SIPA1L2: variants seen among roughly 807,000 people sequenced by gnomAD.
The protein encoded by SIPA1L2 is signal-induced proliferation-associated 1-like protein 2.
A neutral mutation model predicts 163.9 loss-of-function variants in SIPA1L2; 56 were observed. That is an observed-to-expected ratio of 0.34 (90% CI 0.28 to 0.43). The LOEUF (loss-of-function observed/expected upper bound fraction) is 0.43, where lower values mean the gene tolerates loss of function less well. Among genes scored for constraint, SIPA1L2 ranks in the 20% least tolerant of loss-of-function variants. The pLI, the probability that SIPA1L2 is intolerant of heterozygous loss-of-function variation, is 1.00. For synonymous variants in SIPA1L2, 877 were observed against 865.7 expected (o/e 1.01, Z -0.23); for missense variants, 1,974 against 2,193.5 (o/e 0.90, Z 2.00).
chr1:232,603,263 G>A (rs1661702336), intron 1 of SIPA1L2, among the ~76,000 whole-genome samples: 1 of 152,222 alleles, frequency 6.6e-6, no homozygotes. Flanking sequence ...ATCCAAGGAA[G>A]ACGACTAGGG....
chr1:232,493,188 T>C (rs1211191480), intron 4 of SIPA1L2, among the ~76,000 whole-genome samples: 2 of 152,160 alleles, frequency 1.3e-5, no homozygotes, highest in African/African-American at 4.8e-5. Flanking sequence ...TCACCTTCCG[T>C]CATGATTGTA....
chr1:232,609,081 T>A (rs1426746672), intron 1 of SIPA1L2, among the ~76,000 whole-genome samples: 1 of 152,206 alleles, frequency 6.6e-6, no homozygotes, highest in Non-Finnish European at 1.5e-5. Context: ...TTTGGGATAA[T>A]CACCCACATC....
intron 2 of SIPA1L2, among the ~76,000 whole-genome samples, chr1:232,535,593 C>T (rs1487862700): frequency 6.6e-6 from 1 of 152,112 alleles, no homozygotes; most frequent in Admixed American, 6.5e-5. Flanking sequence ...GAATAATCTG[C>T]CAAGTCATTA....
rs1448528774 is a variant in SIPA1L2 at position 232,574,215 on chromosome 1, G to A, written c.-311C>T. Among the ~76,000 whole-genome samples the A allele has an allele frequency of 1.3e-5, 2 of 152,162 alleles. No individual in the cohort carries two copies. The highest frequency in any genetic ancestry group is 2.9e-5 in the Non-Finnish European group (2 of 68,018). On this transcript the variant is annotated 5_prime_UTR_variant, in exon 2 of 23. Coordinates refer to ENST00000674635, the MANE Select transcript of SIPA1L2 (RefSeq NM_020808.5). ...AGCGGGCTCCTGCTCACACAGCCTG[G>A]CAAGAACCTACAAATGAAGAAAGAG...
At chr1:232,458,172 A>AAC (rs1355711138) in intron 10 of SIPA1L2, among the ~76,000 whole-genome samples, 1 of 152,120 alleles carries the variant, frequency 6.6e-6, no homozygotes, top group South Asian at 2.1e-4. Flanking sequence ...GGGAAAAAAA[A>AAC]CCCTGTATGT....
rs774723437 is a variant in SIPA1L2, at chr1:232,441,800, C to T, written c.3506G>A (p.Arg1169Lys). 6.2e-7 allele frequency: 1 copy of T among 1,613,952 alleles called. No individual in the cohort carries two copies. The highest frequency in any genetic ancestry group is 1.1e-5 in the South Asian group (1 of 90,980). Residue 1169 changes from arginine (R) to lysine (K), a missense_variant, in exon 13 of 23, where the codon AGG becomes AAG. Physicochemically the swap from Arg to Lys is conservative, Grantham distance 26. Coordinates refer to ENST00000674635, the MANE Select transcript of SIPA1L2 (RefSeq NM_020808.5). Reference protein sequence around the residue: ...GPLECDGAREREDTMEASRHP... With the variant: ...GPLECDGAREKEDTMEASRHP... ...CCTGCTTGCTTCCATGGTGTCTTCCCTCTCCCTGGCTCCGTCACATTCCAA... is the reference window on the plus strand; with the variant it reads ...CCTGCTTGCTTCCATGGTGTCTTCCTTCTCCCTGGCTCCGTCACATTCCAA...
At chr1:232,624,150 G>A (rs1662957572) in intron 1 of SIPA1L2, among the ~76,000 whole-genome samples, 1 of 151,972 alleles carries the variant, frequency 6.6e-6, no homozygotes, top group African/African-American at 2.4e-5. Flanking sequence ...ATACATACAT[G>A]AACACTTAGA....
intron 2 of SIPA1L2, among the ~76,000 whole-genome samples, chr1:232,546,544 C>G (rs759089851): frequency 2.4e-4 from 37 of 152,168 alleles, no homozygotes; most frequent in Admixed American, 1.4e-3. Context: ...TGAGGAGATG[C>G]TTAGGGTGAT....
chr1:232,584,378 C>A (rs929086283), intron 1 of SIPA1L2, among the ~76,000 whole-genome samples: 3 of 152,216 alleles, frequency 2.0e-5, no homozygotes, highest in African/African-American at 7.2e-5. Context: ...GTGCATGCCA[C>A]CACGCCCAGC....
intron 5 of SIPA1L2, among the ~76,000 whole-genome samples, chr1:232,487,891 C>A (rs555812771): frequency 2.0e-5 from 3 of 150,194 alleles, no homozygotes; most frequent in African/African-American, 4.9e-5. Flanking sequence ...TACAAAAGAG[C>A]GGAAACTAAC....
chr1:232,601,102 G>A (rs1409778856), intron 1 of SIPA1L2, among the ~76,000 whole-genome samples: 2 of 152,174 alleles, frequency 1.3e-5, no homozygotes, highest in African/African-American at 4.8e-5. Context: ...GGGAGGATAT[G>A]CCAAGTTAGA....
intron 2 of SIPA1L2, among the ~76,000 whole-genome samples, chr1:232,525,014 C>T (rs1479989365): frequency 6.6e-6 from 1 of 152,062 alleles, no homozygotes; most frequent in Non-Finnish European, 1.5e-5. Context: ...TTAAATTACA[C>T]AGAACATATA....
intron 1 of SIPA1L2, among the ~76,000 whole-genome samples, chr1:232,603,509 G>T (rs1039986483): frequency 1.3e-5 from 2 of 152,126 alleles, no homozygotes; most frequent in Non-Finnish European, 2.9e-5. Context: ...TGTCACTCAG[G>T]GTCAAGAGGA....
At position 232,527,725 on chromosome 1, in the gene SIPA1L2, CTTTTTTTT is replaced by C. The variant is rs57868657; in HGVS notation, c.-269-12125_-269-12118del. 2.5e-4 allele frequency among the ~76,000 whole-genome samples: 20 copies of C among 80,942 alleles called. 1 individual carries two copies. In the East Asian group the frequency reaches 6.7e-3, roughly 27 times the overall value. The allele number at this position is 80,942 out of a possible 152,430, so 53.1% of individuals were successfully genotyped here. A position where few individuals can be genotyped will look rare whatever the true frequency, so the allele number is the denominator to read the frequency against. On this transcript the variant is annotated intron_variant, in intron 2 of 22. Transcript: ENST00000674635. ...ACCCCATTTAATTCTTCTTCTTCTTCTTTTTTTTTTTTTTTTTTTTTTTTGAGACAGGG... is the reference window on the plus strand; with the variant it reads ...ACCCCATTTAATTCTTCTTCTTCTTCTTTTTTTTTTTTTTTTGAGACAGGG...
At chr1:232,463,639 G>A (rs1387320877) in intron 9 of SIPA1L2, among the ~76,000 whole-genome samples, 1 of 152,190 alleles carries the variant, frequency 6.6e-6, no homozygotes, top group Non-Finnish European at 1.5e-5. Context: ...TATTTGTGTT[G>A]TATTTTCAGA....
In SIPA1L2 at chr1:232,460,958, G is replaced by A; in HGVS notation, c.3024C>T (p.Ile1008=). The change falls in exon 10 of 23, where the codon ATC becomes ATT. Residue 1008 remains isoleucine, a synonymous_variant. Coordinates refer to ENST00000674635, the MANE Select transcript of SIPA1L2 (RefSeq NM_020808.5). ...CAGTCACAGAAGTACGGAGCAGGTC[G>A]ATCATCTGCTCGTGGGTCAGAGTGG... The part of the protein sequence containing the change: ...AVATLTHEQM[I]DLLRTSVTVK... 1 of 1,614,238 alleles carries A rather than the reference G, an allele frequency of 6.2e-7. No homozygotes were observed. The highest frequency in any genetic ancestry group is 8.5e-7 in the Non-Finnish European group (1 of 1,180,038).
At chr1:232,622,003 C>T (rs1293867008) in intron 1 of SIPA1L2, among the ~76,000 whole-genome samples, 7 of 152,206 alleles carry the variant, frequency 4.6e-5, no homozygotes. Flanking sequence ...ACTGGGATTA[C>T]AGGCATGAGC....
chr1:232,481,781 A>T (rs893411258), intron 6 of SIPA1L2, among the ~76,000 whole-genome samples: 1 of 152,128 alleles, frequency 6.6e-6, no homozygotes. Flanking sequence ...TTCCTATCCC[A>T]TTTCATTTTG....
In SIPA1L2 at chr1:232,616,873, G is replaced by A. The variant is rs1002906199; in HGVS notation, c.-319+12996C>T. On this transcript the variant is annotated intron_variant, in intron 1 of 22. Coordinates refer to ENST00000674635, the MANE Select transcript of SIPA1L2 (RefSeq NM_020808.5). ...TCAGTAGTAGAAGAAATAGAAAAGC[G>A]GGTGGTTAACTAAGTCTAGAATTTT... Among the ~76,000 whole-genome samples the A allele has an allele frequency of 5.9e-5, 9 of 152,168 alleles. No individual in the cohort carries two copies. The East Asian group carries it at 9.6e-4, about 16-fold the overall frequency.
Sources: allele counts gnomAD v4.1 joint callset (sites outside exome capture counted in the v4.1 genomes callset), GRCh38; gene constraint gnomAD v4.1.1; transcripts MANE v1.5; gene names NCBI Gene and HGNC (gene_info 2026-07-23, HGNC 2026-07-21).